The following GALNT9 variants were observed in gnomAD, a reference collection of about 807,000 sequenced individuals.
The protein encoded by GALNT9 is GalNAc transferase 9.
In GALNT9, 47 loss-of-function variants were observed where a neutral mutation model predicts 63.1. The observed-to-expected ratio is 0.75, with a 90% confidence interval of 0.59 to 0.95. The LOEUF is 0.95. GALNT9 is among the 40% of genes least tolerant of loss of function. The pLI, the probability that GALNT9 is intolerant of heterozygous loss-of-function variation, is 0.00. For missense variants in GALNT9, 829 were observed against 874.8 expected (o/e 0.95, Z 0.66); for synonymous variants, 396 against 365.7 (o/e 1.08, Z -0.94).
chr12:132,243,333 C>A (rs1878532218), intron 6 of GALNT9, among the ~76,000 whole-genome samples: 1 of 126,328 alleles, frequency 7.9e-6, no homozygotes, highest in Admixed American at 8.4e-5. Flanking sequence ...ACACACCCTT[C>A]CCGGGGGGCC....
intron 2 of GALNT9, among the ~76,000 whole-genome samples, chr12:132,285,312 G>A (rs543580226): frequency 2.0e-5 from 3 of 152,402 alleles, no homozygotes; most frequent in Admixed American, 6.5e-5. Flanking sequence ...ATCCTGTCGC[G>A]GGCTGGGCTC....
At chr12:132,208,971 A>C (rs1876838488) in intron 6 of GALNT9, among the ~76,000 whole-genome samples, 1 of 152,150 alleles carries the variant, frequency 6.6e-6, no homozygotes, top group Non-Finnish European at 1.5e-5. Flanking sequence ...GTAATTATTA[A>C]TAGCACCTCT....
At chr12:132,257,154 T>C (rs782050705) in intron 5 of GALNT9, among the ~76,000 whole-genome samples, 1 of 152,232 alleles carries the variant, frequency 6.6e-6, no homozygotes, top group Non-Finnish European at 1.5e-5. Flanking sequence ...TTGGGTTCTC[T>C]GAATTTCACT....
intron 1 of GALNT9, among the ~76,000 whole-genome samples, chr12:132,303,186 A>G (rs898366879): frequency 6.6e-6 from 1 of 151,740 alleles, no homozygotes; most frequent in Non-Finnish European, 1.5e-5. Flanking sequence ...CAGACCCTCC[A>G]CCGCCGGGAT....
At chr12:132,298,685 C>G (rs982354737) in intron 1 of GALNT9, among the ~76,000 whole-genome samples, 10 of 150,862 alleles carry the variant, frequency 6.6e-5, no homozygotes, top group Admixed American at 1.3e-4. Flanking sequence ...CCACACCTAA[C>G]CCACCCCTGA....
intron 6 of GALNT9, among the ~76,000 whole-genome samples, chr12:132,237,246 G>C (rs999873155): frequency 6.6e-6 from 1 of 152,090 alleles, no homozygotes; most frequent in Non-Finnish European, 1.5e-5. Flanking sequence ...CAGGCCACCT[G>C]ATCACACCCG....
At chr12:132,314,499 G>A (rs1555245566) in intron 1 of GALNT9, among the ~76,000 whole-genome samples, 1 of 152,160 alleles carries the variant, frequency 6.6e-6, no homozygotes, top group African/African-American at 2.4e-5. Context: ...GGCTCAGAGA[G>A]GAGTAGTGAC....
chr12:132,308,936 G>T (rs1489777193), intron 1 of GALNT9, among the ~76,000 whole-genome samples: 1 of 152,206 alleles, frequency 6.6e-6, no homozygotes, highest in Non-Finnish European at 1.5e-5. Context: ...TGTGACTTCC[G>T]TGCCTGAGAA....
chr12:132,213,619 T>A (rs1347966381), intron 6 of GALNT9, among the ~76,000 whole-genome samples: 4 of 152,076 alleles, frequency 2.6e-5, no homozygotes, highest in Admixed American at 1.3e-4. Flanking sequence ...ACATGTGCAC[T>A]CAGCTGTCAT....
chr12:132,221,343 T>C lies in GALNT9; in HGVS notation c.1078-17653A>G, dbSNP rs1342314303. On this transcript the variant is annotated intron_variant, in intron 6 of 10. Coordinates refer to ENST00000328957, the MANE Select transcript of GALNT9 (RefSeq NM_001122636.2). The stretch of plus-strand genomic sequence containing the variant: ...ACTCCAGCCTGGCGACAGAGTGAGA[T>C]TGTGTCCAAAAAAAAAAAAAAAAAA... Among the ~76,000 whole-genome samples, 8 of 54,284 alleles carry C rather than the reference T, an allele frequency of 1.5e-4. No homozygotes were observed. The East Asian group carries it at 3.2e-3, about 22-fold the overall frequency. 35.6% of individuals were successfully genotyped at this position (54,284 alleles called of 152,430 possible). A position where few individuals can be genotyped will look rare whatever the true frequency, so the allele number is the denominator to read the frequency against.
intron 6 of GALNT9, among the ~76,000 whole-genome samples, chr12:132,226,698 CCACA>C (rs1433691287): frequency 3.6e-5 from 5 of 137,144 alleles, no homozygotes; most frequent in African/African-American, 5.6e-5. Context: ...AACACCCACC[CCACA>C]CACTGTACAT....
Position 132,257,741 on chromosome 12 carries a change from T to G in GALNT9, c.907A>C (p.Ile303Leu). The change falls in exon 5 of 11, where the codon ATC (isoleucine) becomes CTC (leucine). Residue 303 changes from isoleucine to leucine, a missense_variant. Coordinates refer to ENST00000328957, the MANE Select transcript of GALNT9 (RefSeq NM_001122636.2). ...TCCAGCCAGTCCTGCGGGGGGATGATGTACATGCACCAGAGGCCCCAGTTG... is the reference window on the plus strand; with the variant it reads ...TCCAGCCAGTCCTGCGGGGGGATGAGGTACATGCACCAGAGGCCCCAGTTG... ...GYNWGLWCMY[I>L]IPPQDWLDRG... 3 of 1,550,312 alleles carry G rather than the reference T, an allele frequency of 1.9e-6. No homozygotes were observed. Among genetic ancestry groups the G allele is most frequent in the Non-Finnish European group, 2.6e-6 (3 of 1,146,766 alleles).
At chr12:132,304,319 A>C (rs1478063608) in intron 1 of GALNT9, among the ~76,000 whole-genome samples, 19 of 32,400 alleles carry the variant, frequency 5.9e-4, no homozygotes, top group South Asian at 1.2e-3. Context: ...CCGGGCACAG[A>C]ATCGCCCAGA....
At chr12:132,297,545 A>G (rs1881120430) in intron 1 of GALNT9, among the ~76,000 whole-genome samples, 1 of 151,742 alleles carries the variant, frequency 6.6e-6, no homozygotes, top group Admixed American at 6.6e-5. Context: ...ATCACTCCCG[A>G]GATAAACAAG....
chr12:132,261,811 GA>G (rs1338156074), intron 3 of GALNT9, among the ~76,000 whole-genome samples: 3 of 152,238 alleles, frequency 2.0e-5, no homozygotes, highest in Non-Finnish European at 2.9e-5. Flanking sequence ...GCAGATGGGG[GA>G]CAGGCCTGGG....
intron 1 of GALNT9, among the ~76,000 whole-genome samples, chr12:132,304,710 TGGGCACAGCCTCACCG>T (rs1881499612): frequency 1.7e-4 from 1 of 5,964 alleles, no homozygotes. Flanking sequence ...CACCCTCACC[TGGGCACAGCCTCACCG>T]GGGCACACCC....
chr12:132,199,999 C>T (rs557352703), intron 8 of GALNT9, among the ~76,000 whole-genome samples: 276 of 152,320 alleles, frequency 1.8e-3, no homozygotes, highest in Middle Eastern at 3.4e-3. Flanking sequence ...CTGGATGTTA[C>T]GGCTGCTCTG....
intron 7 of GALNT9, 93 bp downstream of exon 7, chr12:132,203,412 G>A (rs1876345644): frequency 1.7e-6 from 2 of 1,157,332 alleles, no homozygotes; most frequent in Non-Finnish European, 1.2e-6. Context: ...ACCTGCAGGG[G>A]GCCCTAGGGG....
chr12:132,259,334 AC>A (rs1176547545), intron 4 of GALNT9, among the ~76,000 whole-genome samples: 2 of 152,236 alleles, frequency 1.3e-5, no homozygotes, highest in African/African-American at 4.8e-5. Flanking sequence ...CATCAGAGGG[AC>A]TAAAAGGCTG....
Sources: gnomAD v4.1 joint callset for allele counts (sites outside exome capture counted in the v4.1 genomes callset) on GRCh38, gnomAD v4.1.1 for gene constraint, MANE v1.5 for transcripts, NCBI Gene and HGNC (gene_info 2026-07-23, HGNC 2026-07-21) for gene names.